VPS37C: variants seen among roughly 807,000 people sequenced by gnomAD.
The protein encoded by VPS37C is vacuolar protein sorting-associated protein 37C.
A neutral mutation model predicts 16.1 loss-of-function variants in VPS37C; 9 were observed. The ratio of observed to expected loss-of-function variants is 0.56; its 90% CI spans 0.34 to 0.97. The LOEUF is 0.97. VPS37C is among the 50% of genes least tolerant of loss of function. The probability of loss-of-function intolerance (pLI) is 0.02; values close to 1 mark genes in which losing one functional copy is unlikely to be tolerated. For missense variants in VPS37C, 479 were observed against 472.7 expected, an observed-to-expected ratio of 1.01 and a Z score of -0.12; for synonymous variants, 207 against 206.4, an observed-to-expected ratio of 1.00 and a Z score of -0.02.
chr11:61,155,301 T>C (rs900779034), intron 1 of VPS37C, among the ~76,000 whole-genome samples: 5 of 151,876 alleles, frequency 3.3e-5, no homozygotes, highest in South Asian at 2.1e-4. Context: ...CTGAGCAACA[T>C]AGCAAGACCC....
At chr11:61,135,725 T>C (rs1291248117) in intron 2 of VPS37C, among the ~76,000 whole-genome samples, 1 of 152,098 alleles carries the variant, frequency 6.6e-6, no homozygotes, top group Non-Finnish European at 1.5e-5. Context: ...TGACTCTCAA[T>C]CTAATTTTTA....
intron 1 of VPS37C, among the ~76,000 whole-genome samples, chr11:61,141,245 G>A (rs1290436006): frequency 6.6e-6 from 1 of 151,928 alleles, no homozygotes; most frequent in African/African-American, 2.4e-5. Flanking sequence ...GCACACACTT[G>A]TAATCCCAGT....
chr11:61,133,802 G>A (rs938842451), intron 3 of VPS37C, among the ~76,000 whole-genome samples: 4 of 152,198 alleles, frequency 2.6e-5, no homozygotes, highest in Non-Finnish European at 4.4e-5. Flanking sequence ...GATGCAGGCT[G>A]TCTCAATTCA....
chr11:61,161,224 G>T (rs918001952), intron 1 of VPS37C, 167 bp downstream of exon 1: 1 of 147,022 alleles, frequency 6.8e-6, no homozygotes, highest in Admixed American at 6.7e-5. Context: ...CAGGGGCGCC[G>T]GCCCCCGGCG....
intron 3 of VPS37C, 63 bp downstream of exon 3, chr11:61,133,972 GA>G: frequency 6.5e-7 from 1 of 1,544,966 alleles, no homozygotes; most frequent in Non-Finnish European, 8.8e-7. Context: ...ACAGGGCTGG[GA>G]ACACGGTGGG....
rs956122308 is a variant in VPS37C at position 61,132,997 on chromosome 11, C to T, written c.348+258G>A. 1.0e-5 allele frequency: 6 copies of T among 593,456 alleles called. No homozygotes were observed. The East Asian group carries it at 1.8e-4, about 18-fold the overall frequency. 36.8% of individuals were successfully genotyped at this position (593,456 alleles called of 1,614,324 possible). ...GCTGGCCTCAGCCCCTGGGGGCCTC[C>T]TGCTGTGCTGCCCTACCATCCAGGG... On this transcript the variant is annotated intron_variant, in intron 4 of 4. Transcript: ENST00000301765.
chr11:61,142,736 C>T (rs899175513), intron 1 of VPS37C, among the ~76,000 whole-genome samples: 1 of 141,114 alleles, frequency 7.1e-6, no homozygotes, highest in Non-Finnish European at 1.5e-5. Flanking sequence ...TCTCTGGAAA[C>T]CTCCAGGAGT....
At chr11:61,150,925 T>C (rs1853289032) in intron 1 of VPS37C, among the ~76,000 whole-genome samples, 1 of 152,214 alleles carries the variant, frequency 6.6e-6, no homozygotes, top group African/African-American at 2.4e-5. Flanking sequence ...TAGAGGCTGC[T>C]CACAGTCCAG....
Position 61,155,371 on chromosome 11 carries a change from C to A in VPS37C, c.-7+6020G>T, listed in dbSNP as rs149719941. ...ACAACTACCCAGGCATGGTGATACA[C>A]ACCTGTAGTCTTAGCTACTAGGGAC... On this transcript the variant is annotated intron_variant, in intron 1 of 4. Transcript: ENST00000301765. Among the ~76,000 whole-genome samples, 215 of 151,620 alleles carry A rather than the reference C, an allele frequency of 1.4e-3. 1 individual carries two copies. Among genetic ancestry groups the A allele is most frequent in the Middle Eastern group, 0.01 (3 of 292 alleles).
chr11:61,131,865 G>A lies in VPS37C; in HGVS notation c.1023C>T (p.Pro341=), dbSNP rs1861266178. 3 of 1,266,022 alleles carry A rather than the reference G, an allele frequency of 2.4e-6. No homozygotes were observed. The highest frequency in any genetic ancestry group is 2.0e-6 in the Non-Finnish European group (2 of 1,000,136). The allele number at this position is 1,266,022 out of a possible 1,614,324, so 78.4% of individuals were successfully genotyped here. The change falls in exon 5 of 5, where the codon CCC becomes CCT. Residue 341 remains proline, a synonymous_variant. Coordinates refer to ENST00000301765, the MANE Select transcript of VPS37C (RefSeq NM_017966.5). ...QPPYPPGPAP[P]YGFPPPPGPA... is the part of the protein sequence containing the mutation. Reference sequence around the variant, plus strand: ...GCCCCGGCGGTGGTGGGAACCCATAGGGAGGGGCGGGCCCGGGGGGATAAG... The same window carrying A: ...GCCCCGGCGGTGGTGGGAACCCATAAGGAGGGGCGGGCCCGGGGGGATAAG...
At chr11:61,135,303 C>T (rs2154677) in intron 2 of VPS37C, among the ~76,000 whole-genome samples, 87,286 of 152,132 alleles carry the variant, frequency 0.57, 25,885 homozygotes, top group East Asian at 0.99. Flanking sequence ...CACTCTGGGG[C>T]AGGCCCATTG....
At position 61,132,366 on chromosome 11, in the gene VPS37C, AC is replaced by A; in HGVS notation, c.521del (p.Arg174LeufsTer25). The part of the protein sequence containing the change: ...QELAGDAPPP[R>X]PPPPVRPVPQ... Reference sequence around the variant, plus strand: ...GGACTGGGCGCACCGGGGGTGGTGGACGGGGTGGAGGGGCATCGCCGGCCAG... The same window carrying A: ...GGACTGGGCGCACCGGGGGTGGTGGAGGGGTGGAGGGGCATCGCCGGCCAG... On this transcript the variant is annotated frameshift_variant, in exon 5 of 5. Transcript: ENST00000301765. LOFTEE classifies it low-confidence loss of function (END_TRUNC). 6.3e-7 allele frequency: 1 copy of A among 1,598,846 alleles called. No homozygotes were observed. Among genetic ancestry groups the A allele is most frequent in the Admixed American group, 1.7e-5 (1 of 57,830 alleles).
Position 61,132,199 on chromosome 11 carries a change from A to C in VPS37C, c.689T>G (p.Val230Gly). 6.7e-7 allele frequency: 1 copy of C among 1,500,612 alleles called. No homozygotes were observed. The highest frequency in any genetic ancestry group is 8.9e-7 in the Non-Finnish European group (1 of 1,125,304). 93.0% of individuals were successfully genotyped at this position (1,500,612 alleles called of 1,614,324 possible). The change falls in exon 5 of 5, where the codon GTA becomes GGA. Residue 230 changes from valine to glycine, a missense_variant. Val to Gly is a moderately radical substitution (Grantham distance 109). Transcript: ENST00000301765. ...GCTGTAGAAGGAGGGCTGGGACACT[A>C]CTGGGAAAGGGGCCGGTGGCAGGGC... ...HGALPPAPFP[V>G]VSQPSFYSGP...
At chr11:61,142,975 T>TAAAA in intron 1 of VPS37C, among the ~76,000 whole-genome samples, 100 of 47,538 alleles carry the variant, frequency 2.1e-3, no homozygotes, top group Non-Finnish European at 2.8e-3. Flanking sequence ...AAAGAATAGC[T>TAAAA]AAAAAAAAAA....
Position 61,139,505 on chromosome 11 carries a change from C to T in VPS37C, c.-6-670G>A, listed in dbSNP as rs532197108. On this transcript the variant is annotated intron_variant, in intron 1 of 4. Coordinates refer to ENST00000301765, the MANE Select transcript of VPS37C (RefSeq NM_017966.5). ...GCAATCAGGAAGGAAAGAAATTGAC[C>T]GACCCAAAGAGGACATCGCTTTGAC... is the stretch of plus-strand genomic sequence containing the variant. Among the ~76,000 whole-genome samples the T allele has an allele frequency of 2.7e-3, 404 of 152,066 alleles. 3 individuals are homozygous for T. The highest frequency in any genetic ancestry group is 4.0e-3 in the Non-Finnish European group (269 of 67,988).
chr11:61,149,158 C>T lies in VPS37C; in HGVS notation c.-6-10323G>A, dbSNP rs142911859. 9.3e-3 allele frequency among the ~76,000 whole-genome samples: 1,423 copies of T among 152,282 alleles called. 26 individuals carry two copies. Among genetic ancestry groups the T allele is most frequent in the African/African-American group, 0.031 (1,291 of 41,538 alleles). On this transcript the variant is annotated intron_variant, in intron 1 of 4. Coordinates refer to ENST00000301765, the MANE Select transcript of VPS37C (RefSeq NM_017966.5). ...AAAGTTAGCTGGGCGTGGTGGCACA[C>T]GCCTGTAGTCCCAGCTACTCAGGAG...
At chr11:61,133,101 G>C in intron 4 of VPS37C, 154 bp downstream of exon 4, 1 of 822,076 alleles carries the variant, frequency 1.2e-6, no homozygotes, top group Non-Finnish European at 2.0e-6. Context: ...ATACCCAAAA[G>C]GCCTCCCCAG....
At chr11:61,155,125 G>C (rs10750952) in intron 1 of VPS37C, among the ~76,000 whole-genome samples, 2 of 147,746 alleles carry the variant, frequency 1.4e-5, no homozygotes, top group African/African-American at 5.0e-5. Flanking sequence ...AAAAGGCGGG[G>C]GGACAGGGAG....
intron 1 of VPS37C, among the ~76,000 whole-genome samples, chr11:61,145,882 G>C (rs995920383): frequency 6.6e-6 from 1 of 152,220 alleles, no homozygotes; most frequent in Non-Finnish European, 1.5e-5. Context: ...CTCAGTACCA[G>C]AGCCCTGGCC....
Sources: gnomAD v4.1 joint callset for allele counts (sites outside exome capture counted in the v4.1 genomes callset) on GRCh38, gnomAD v4.1.1 for gene constraint, MANE v1.5 for transcripts, NCBI Gene and HGNC (gene_info 2026-07-23, HGNC 2026-07-21) for gene names.